PCDHGA1: variants seen among roughly 807,000 people sequenced by gnomAD.
PCDHGA1 encodes protocadherin gamma subfamily A, 1, also known as protocadherin gamma-A1.
In PCDHGA1, 32 loss-of-function variants were observed where a neutral mutation model predicts 58.0. The observed-to-expected ratio is 0.55, with a 90% CI of 0.42 to 0.74. PCDHGA1 has a LOEUF of 0.74. Among genes scored for constraint, PCDHGA1 ranks in the 30% least tolerant of loss-of-function variants. The probability of loss-of-function intolerance (pLI) is 0.00; values close to 1 mark genes in which losing one functional copy is unlikely to be tolerated. For missense variants in PCDHGA1, 1,205 were observed against 1,182.3 expected (o/e 1.02, Z -0.28); for synonymous variants, 498 against 501.1 (o/e 0.99, Z 0.08).
In PCDHGA1 at chr5:141,388,074, C is replaced by T. The variant is rs770542956; in HGVS notation, c.2421+54969C>T. 1.6e-5 allele frequency: 22 copies of T among 1,363,892 alleles called. No homozygotes were observed. In the South Asian group the frequency reaches 2.8e-4, roughly 17 times the overall value. 84.5% of individuals were successfully genotyped at this position (1,363,892 alleles called of 1,614,324 possible). On this transcript the variant is annotated intron_variant, in intron 1 of 3. Transcript: ENST00000517417. ...GTTCAGCGTCCAGGAGTTACCGACT[C>T]GAAAACTGCGCGTCAGTTCGGAGAA...
chr5:141,342,121 T>C (rs1457357207), intron 1 of PCDHGA1: 1 of 151,606 alleles, frequency 6.6e-6, no homozygotes, highest in East Asian at 1.9e-4. Flanking sequence ...TTTTTTTTTA[T>C]CTTTCTCATA....
rs373430964 is a variant in PCDHGA1, at chr5:141,374,999, A to G, written c.2421+41894A>G. The G allele has an allele frequency of 1.1e-5, 17 of 1,613,928 alleles. No homozygotes were observed. The African/African-American group carries it at 2.1e-4, about 20-fold the overall frequency. On this transcript the variant is annotated intron_variant, in intron 1 of 3. Transcript: ENST00000517417. ...GACTGGAGAAATTTCAACTTCTGCA[A>G]ATCTAGACTATGAGGACTCGAGTTT...
chr5:141,403,204 G>C, intron 1 of PCDHGA1: 3 of 1,613,952 alleles, frequency 1.9e-6, no homozygotes, highest in Non-Finnish European at 2.5e-6. Flanking sequence ...GCGGCACCTT[G>C]GTCACCGCGG....
intron 1 of PCDHGA1, chr5:141,389,495 G>A (rs751415442): frequency 4.3e-6 from 7 of 1,613,020 alleles, no homozygotes; most frequent in Non-Finnish European, 5.9e-6. Context: ...ACCAGGGCTC[G>A]CCAGCGCTCA....
chr5:141,402,352 T>G (rs949706048), intron 1 of PCDHGA1, among the ~76,000 whole-genome samples: 1 of 151,978 alleles, frequency 6.6e-6, no homozygotes, highest in Non-Finnish European at 1.5e-5. Flanking sequence ...AAATTAAAAA[T>G]GAATGTACTT....
chr5:141,477,274 G>A lies in PCDHGA1; in HGVS notation c.2422-17533G>A. The A allele has an allele frequency of 2.5e-6, 4 of 1,614,034 alleles. No homozygotes were observed. Among genetic ancestry groups the A allele is most frequent in the East Asian group, 2.2e-5 (1 of 44,880 alleles). ...ACCTGGATGCTGGCGAGAACGGGCT[G>A]GTGACCTGCGAAGTTCCACCGGGTC... On this transcript the variant is annotated intron_variant, in intron 1 of 3. Coordinates refer to ENST00000517417, the MANE Select transcript of PCDHGA1 (RefSeq NM_018912.3). This position sits in a 1 kb window ranked among gnomAD's most constrained non-coding sequence, Gnocchi z 4.9.
chr5:141,410,078 G>T, intron 1 of PCDHGA1: 4 of 1,612,820 alleles, frequency 2.5e-6, no homozygotes, highest in East Asian at 2.2e-5. Flanking sequence ...CACTGGGGAG[G>T]TGCGCACGGC....
At position 141,487,010 on chromosome 5, in the gene PCDHGA1, GC is replaced by G. The variant is rs2099638172; in HGVS notation, c.2422-7793del. ...TTGGGTTTCCTATCAGCTCCTGGAG[GC>G]CCCAGATCCCAGCCTGTTTGCAGTC... is the stretch of plus-strand genomic sequence containing the variant. On this transcript the variant is annotated intron_variant, in intron 1 of 3. Coordinates refer to ENST00000517417, the MANE Select transcript of PCDHGA1 (RefSeq NM_018912.3). This position sits in a 1 kb window ranked among gnomAD's most constrained non-coding sequence, Gnocchi z 5.0. 6.2e-7 allele frequency: 1 copy of G among 1,614,096 alleles called. No individual in the cohort carries two copies. Among genetic ancestry groups the G allele is most frequent in the Non-Finnish European group, 8.5e-7 (1 of 1,180,056 alleles).
chr5:141,364,652 A>G, intron 1 of PCDHGA1: 1 of 1,614,056 alleles, frequency 6.2e-7, no homozygotes, highest in Non-Finnish European at 8.5e-7. Context: ...GAACTTTAAC[A>G]TCTTGGTTGA....
chr5:141,422,699 C>G (rs765368737), intron 1 of PCDHGA1: 2 of 1,603,420 alleles, frequency 1.2e-6, no homozygotes, highest in South Asian at 1.1e-5. Context: ...GTCACTTACT[C>G]TCTGACGGAT....
intron 1 of PCDHGA1, among the ~76,000 whole-genome samples, chr5:141,368,962 C>T (rs562789740): frequency 6.6e-6 from 1 of 152,310 alleles, no homozygotes; most frequent in South Asian, 2.1e-4. Context: ...GTTTAAGATG[C>T]TATAATGCTT....
chr5:141,421,665 C>T, intron 1 of PCDHGA1: 1 of 1,613,854 alleles, frequency 6.2e-7, no homozygotes, highest in African/African-American at 1.3e-5. Context: ...TCAGTGAGCA[C>T]GCAATTCCTG....
At chr5:141,380,987 C>G (rs1776914459) in intron 1 of PCDHGA1, among the ~76,000 whole-genome samples, 1 of 152,202 alleles carries the variant, frequency 6.6e-6, no homozygotes. Context: ...GAATTTAACT[C>G]CAGTTTACAG....
chr5:141,465,968 A>G (rs2099113507), intron 1 of PCDHGA1, among the ~76,000 whole-genome samples: 3 of 151,940 alleles, frequency 2.0e-5, no homozygotes, highest in Admixed American at 6.6e-5. Flanking sequence ...TAAAAATACA[A>G]AAAATTAGCC....
chr5:141,341,314 C>G (rs751336232), intron 1 of PCDHGA1: 1 of 1,614,258 alleles, frequency 6.2e-7, no homozygotes, highest in Non-Finnish European at 8.5e-7. Flanking sequence ...CGCTCATCAG[C>G]CAGGAGAGCT....
At chr5:141,362,368 G>A (rs751597172) in intron 1 of PCDHGA1, 1 of 1,613,950 alleles carries the variant, frequency 6.2e-7, no homozygotes, top group Non-Finnish European at 8.5e-7. Context: ...CAATTACAGT[G>A]AGGGTACATT....
chr5:141,460,333 G>A (rs2098986532), intron 1 of PCDHGA1, among the ~76,000 whole-genome samples: 1 of 152,056 alleles, frequency 6.6e-6, no homozygotes, highest in African/African-American at 2.4e-5. Context: ...AACTTATGAT[G>A]ATTTTCTCCT....
chr5:141,456,299 A>G (rs11167748), intron 1 of PCDHGA1, among the ~76,000 whole-genome samples: 25,602 of 152,048 alleles, frequency 0.17, 2,205 homozygotes, highest in South Asian at 0.22. Context: ...TCTAATGGAG[A>G]ACAGCAGCTA....
At chr5:141,341,391 C>G in intron 1 of PCDHGA1, 1 of 1,614,206 alleles carries the variant, frequency 6.2e-7, no homozygotes, top group South Asian at 1.1e-5. Flanking sequence ...GAAACGTTTT[C>G]TCAGGTAATC....
Sources: allele counts gnomAD v4.1 joint callset (sites outside exome capture counted in the v4.1 genomes callset), GRCh38; gene constraint gnomAD v4.1.1; non-coding constraint Gnocchi (gnomAD v3.1); transcripts MANE v1.5; gene names NCBI Gene and HGNC (gene_info 2026-07-23, HGNC 2026-07-21).